The following WNT9B variants were observed in gnomAD, a reference collection of about 807,000 sequenced individuals.
WNT9B encodes the protein Wnt family member 9B, also known as protein Wnt-9b.
In WNT9B, 12 loss-of-function variants were observed where a neutral mutation model predicts 30.2. That is an observed-to-expected ratio of 0.40 (90% confidence interval 0.26 to 0.64). WNT9B has a LOEUF of 0.64. WNT9B is among the 30% of genes least tolerant of loss of function. The probability of loss-of-function intolerance (pLI) is 0.42; values close to 1 mark genes in which losing one functional copy is unlikely to be tolerated. For synonymous variants in WNT9B, 218 were observed against 216.9 expected (o/e 1.01, Z -0.05); for missense variants, 442 against 485.2 (o/e 0.91, Z 0.84).
intron 1 of WNT9B, among the ~76,000 whole-genome samples, chr17:46,861,559 A>G (rs1395859026): frequency 6.6e-6 from 1 of 152,178 alleles, no homozygotes; most frequent in African/African-American, 2.4e-5. Context: ...CACAAAGCAG[A>G]GAGCAGAGAC....
At chr17:46,850,130 A>G (rs150456677), upstream of WNT9B, among the ~76,000 whole-genome samples, 37 of 152,332 alleles carry the variant, frequency 2.4e-4, no homozygotes, top group African/African-American at 4.6e-4. Context: ...GATTACAGGC[A>G]TGAGCCAACG....
intron 1 of WNT9B, among the ~76,000 whole-genome samples, chr17:46,840,000 CTTCTTTCTTTCT>C (rs71138556): frequency 0.016 from 1,997 of 125,160 alleles, 73 homozygotes; most frequent in African/African-American, 0.055. Context: ...TTTTTTCTTT[CTTCTTTCTTTCT>C]TTCTTTCTTT....
downstream of WNT9B, among the ~76,000 whole-genome samples, chr17:46,883,952 GT>G (rs1014406457): frequency 6.6e-6 from 1 of 152,170 alleles, no homozygotes; most frequent in African/African-American, 2.4e-5. Context: ...CCATTAGTGT[GT>G]TTACGCTGGA....
intron 1 of WNT9B, among the ~76,000 whole-genome samples, chr17:46,841,903 G>C (rs893389977): frequency 2.0e-5 from 3 of 152,244 alleles, no homozygotes. Flanking sequence ...GTGTGTGGGG[G>C]GGTCTCTGGT....
upstream of WNT9B, among the ~76,000 whole-genome samples, chr17:46,849,056 A>G (rs1490306414): frequency 6.6e-6 from 1 of 152,178 alleles, no homozygotes; most frequent in Non-Finnish European, 1.5e-5. Context: ...CAGAAGCAGA[A>G]CTCTGAAGCC....
At chr17:46,874,779 T>C (rs2085315212) in intron 2 of WNT9B, among the ~76,000 whole-genome samples, 1 of 152,164 alleles carries the variant, frequency 6.6e-6, no homozygotes, top group Non-Finnish European at 1.5e-5. Context: ...GGTTTCACCA[T>C]ATTGGCCAGA....
upstream of WNT9B, among the ~76,000 whole-genome samples, chr17:46,847,819 G>T (rs2084793006): frequency 6.6e-6 from 1 of 152,230 alleles, no homozygotes. Context: ...ACCAAAGGCG[G>T]ATGGTTCCTG....
At chr17:46,868,336 A>G (rs1298765981) in intron 1 of WNT9B, among the ~76,000 whole-genome samples, 1 of 152,192 alleles carries the variant, frequency 6.6e-6, no homozygotes, top group African/African-American at 2.4e-5. Flanking sequence ...TCATGCCTGT[A>G]ATCCCAGCAC....
downstream of WNT9B, chr17:46,884,971 T>C: frequency 2.4e-6 from 1 of 418,612 alleles, no homozygotes; most frequent in South Asian, 1.7e-5. Flanking sequence ...AATAGTTATT[T>C]GCTCCCTCTT....
chr17:46,850,563 C>G (rs2084829089), upstream of WNT9B, among the ~76,000 whole-genome samples: 1 of 152,170 alleles, frequency 6.6e-6, no homozygotes, highest in South Asian at 2.1e-4. Context: ...ACATGCAGAT[C>G]TTGACATTCA....
At chr17:46,882,313 A>G (rs1388118773), downstream of WNT9B, among the ~76,000 whole-genome samples, 1 of 152,214 alleles carries the variant, frequency 6.6e-6, no homozygotes, top group Non-Finnish European at 1.5e-5. Flanking sequence ...TAGTTTGAAG[A>G]GTCCAGGCTG....
intron 2 of WNT9B, among the ~76,000 whole-genome samples, chr17:46,873,795 G>A (rs1369067330): frequency 6.6e-6 from 1 of 150,966 alleles, no homozygotes; most frequent in Non-Finnish European, 1.5e-5. Context: ...TTTGTAACCA[G>A]CGTGGTCAAA....
At position 46,875,181 on chromosome 17, in the gene WNT9B, C is replaced by T. The variant is rs1421685695; in HGVS notation, c.415C>T (p.Arg139Cys). 4.3e-6 allele frequency: 7 copies of T among 1,614,058 alleles called. No individual in the cohort carries two copies. The highest frequency in any genetic ancestry group is 2.2e-5 in the East Asian group (1 of 44,888). Residue 139 changes from arginine to cysteine, a missense_variant, in exon 3 of 4, where the codon CGC becomes TGC. Transcript: ENST00000290015. Reference sequence around the variant, plus strand: ...CCTGGCCCGGGCCTGCAGCGCTGGGCGCATGGAGCGCTGCACCTGTGATGA... The same window carrying T: ...CCTGGCCCGGGCCTGCAGCGCTGGGTGCATGGAGCGCTGCACCTGTGATGA... ...HTLARACSAG[R>C]MERCTCDDSP...
At chr17:46,863,502 T>C (rs2085078032) in intron 1 of WNT9B, among the ~76,000 whole-genome samples, 1 of 151,910 alleles carries the variant, frequency 6.6e-6, no homozygotes, top group African/African-American at 2.4e-5. Flanking sequence ...GTACTATATA[T>C]ACAAAAGTGG....
At chr17:46,873,856 G>A (rs1211137911) in intron 2 of WNT9B, among the ~76,000 whole-genome samples, 1 of 152,048 alleles carries the variant, frequency 6.6e-6, no homozygotes, top group Admixed American at 6.6e-5. Context: ...TGGCATGGTG[G>A]CAGGAGCCTG....
chr17:46,860,402 A>T (rs1222789190), intron 1 of WNT9B, among the ~76,000 whole-genome samples: 2 of 152,130 alleles, frequency 1.3e-5, no homozygotes, highest in African/African-American at 4.8e-5. Flanking sequence ...CATGAGCAGG[A>T]TCGGACATGG....
At chr17:46,871,564 G>A (rs968769230) in intron 1 of WNT9B, among the ~76,000 whole-genome samples, 4 of 152,252 alleles carry the variant, frequency 2.6e-5, no homozygotes, top group Admixed American at 2.6e-4. Flanking sequence ...CAGGAAGGTA[G>A]GCCTGCTTGT....
chr17:46,858,935 G>C (rs996130215), intron 1 of WNT9B, among the ~76,000 whole-genome samples: 9 of 151,796 alleles, frequency 5.9e-5, no homozygotes, highest in African/African-American at 2.2e-4. Context: ...TCAAACTGCT[G>C]GGATTATTGG....
intron 1 of WNT9B, among the ~76,000 whole-genome samples, chr17:46,839,944 C>CTT (rs1480261073): frequency 6.7e-6 from 1 of 148,868 alleles, no homozygotes; most frequent in Non-Finnish European, 1.5e-5. Context: ...TTCTTTCTTT[C>CTT]TTTCTTTCTT....
Sources: allele counts gnomAD v4.1 joint callset (sites outside exome capture counted in the v4.1 genomes callset), GRCh38; gene constraint gnomAD v4.1.1; transcripts MANE v1.5; gene names NCBI Gene and HGNC (gene_info 2026-07-23, HGNC 2026-07-21).